CYP2C18: variants seen among roughly 807,000 people sequenced by gnomAD.
CYP2C18 encodes cytochrome P450 2C18.
Under a neutral mutation model 41.3 loss-of-function variants are expected in CYP2C18, and 38 were observed. The ratio of observed to expected loss-of-function variants is 0.92; its 90% CI spans 0.71 to 1.21. The LOEUF is 1.21. Ranked by LOEUF, CYP2C18 falls within the 50% of genes most tolerant of loss-of-function variation. The probability of loss-of-function intolerance (pLI) is 0.00; values close to 1 mark genes in which losing one functional copy is unlikely to be tolerated. For synonymous variants in CYP2C18, 236 were observed against 210.0 expected, an observed-to-expected ratio of 1.12 and a Z score of -1.07; for missense variants, 635 against 591.4, an observed-to-expected ratio of 1.07 and a Z score of -0.77.
intron 7 of CYP2C18, among the ~76,000 whole-genome samples, chr10:94,732,713 A>T (rs1271135660): frequency 6.6e-6 from 1 of 152,056 alleles, no homozygotes; most frequent in South Asian, 2.1e-4. Context: ...AGGAACAGAA[A>T]ACCAAATATT....
At chr10:94,719,622 T>G (rs902758928) in intron 5 of CYP2C18, among the ~76,000 whole-genome samples, 3 of 151,928 alleles carry the variant, frequency 2.0e-5, no homozygotes, top group African/African-American at 7.2e-5. Context: ...TCACCCAGGA[T>G]AGAGTGCAGT....
At chr10:94,722,316 T>C (rs1295791805) in intron 6 of CYP2C18, among the ~76,000 whole-genome samples, 1 of 152,214 alleles carries the variant, frequency 6.6e-6, no homozygotes, top group African/African-American at 2.4e-5. Context: ...CTTTTTTTTT[T>C]CTTCAACTTT....
chr10:94,701,615 T>C lies in CYP2C18; in HGVS notation c.643-5169T>C, dbSNP rs137890108. 2.8e-4 allele frequency among the ~76,000 whole-genome samples: 43 copies of C among 152,298 alleles called. 1 individual carries two copies. Among genetic ancestry groups the C allele is most frequent in the East Asian group, 1.9e-3 (10 of 5,180 alleles). ...CACATGTACCCTAAAACTTAAAGTATAATAAAAAATAATTAAAAAAAGAAA... is the reference window on the plus strand; with the variant it reads ...CACATGTACCCTAAAACTTAAAGTACAATAAAAAATAATTAAAAAAAGAAA... On this transcript the variant is annotated intron_variant, in intron 4 of 8. Coordinates refer to ENST00000285979, the MANE Select transcript of CYP2C18 (RefSeq NM_000772.3).
At chr10:94,717,166 A>C (rs76033193) in intron 5 of CYP2C18, among the ~76,000 whole-genome samples, 1,851 of 152,248 alleles carry the variant, frequency 0.012, 53 homozygotes, top group African/African-American at 0.043. Context: ...TAATCAGTGC[A>C]TTTAGTCCAT....
intron 4 of CYP2C18, 33 bp from the exon 5 acceptor site, chr10:94,706,751 G>A: frequency 1.5e-6 from 2 of 1,292,434 alleles, no homozygotes; most frequent in Non-Finnish European, 2.2e-6. Context: ...CAATACATGT[G>A]TTTAATTTAA....
Position 94,695,038 on chromosome 10 carries a change from C to G in CYP2C18, c.603C>G (p.Phe201Leu). 6.2e-7 allele frequency: 1 copy of G among 1,612,918 alleles called. No individual in the cohort carries two copies. Among genetic ancestry groups the G allele is most frequent in the Non-Finnish European group, 8.5e-7 (1 of 1,179,778 alleles). ...DQRFLNLMEK[F>L]NENLRILSSP... ...GGTTTCTTAACTTGATGGAAAAATT[C>G]AATGAAAACCTCAGGATTCTGAGCT... Residue 201 changes from phenylalanine (F) to leucine (L), a missense_variant, in exon 4 of 9, where the codon TTC becomes TTG. Physicochemically the swap from Phe to Leu is conservative, Grantham distance 22 (BLOSUM62 0). Coordinates refer to ENST00000285979, the MANE Select transcript of CYP2C18 (RefSeq NM_000772.3).
chr10:94,686,415 A>G (rs527800921), intron 1 of CYP2C18, among the ~76,000 whole-genome samples: 1 of 152,226 alleles, frequency 6.6e-6, no homozygotes, highest in African/African-American at 2.4e-5. Context: ...TTCTGTCTTT[A>G]GTCTAATTGC....
intron 8 of CYP2C18, among the ~76,000 whole-genome samples, chr10:94,733,964 G>A (rs1847876699): frequency 6.6e-6 from 1 of 152,050 alleles, no homozygotes; most frequent in Non-Finnish European, 1.5e-5. Flanking sequence ...AGCGCAGGAT[G>A]TTGGGGAGCT....
At chr10:94,731,444 A>T (rs1847831284) in intron 7 of CYP2C18, among the ~76,000 whole-genome samples, 1 of 151,990 alleles carries the variant, frequency 6.6e-6, no homozygotes, top group African/African-American at 2.4e-5. Context: ...ATTCAATGCT[A>T]TTCCTATCCG....
chr10:94,694,980 T>A lies in CYP2C18; in HGVS notation c.545T>A (p.Ile182Asn). Reference sequence around the variant, plus strand: ...CCCTGCAATGTGATCTGCTCTGTTATTTTCCATGATCGATTTGATTATAAA... The same window carrying A: ...CCCTGCAATGTGATCTGCTCTGTTAATTTCCATGATCGATTTGATTATAAA... ...CAPCNVICSV[I>N]FHDRFDYKDQ... The change falls in exon 4 of 9, where the codon ATT (isoleucine) becomes AAT (asparagine). Residue 182 changes from isoleucine to asparagine, a missense_variant. Ile to Asn is a moderately radical substitution (Grantham distance 149). Coordinates refer to ENST00000285979, the MANE Select transcript of CYP2C18 (RefSeq NM_000772.3). The A allele has an allele frequency of 1.2e-6, 2 of 1,613,364 alleles. No individual in the cohort carries two copies. The highest frequency in any genetic ancestry group is 1.7e-6 in the Non-Finnish European group (2 of 1,179,910).
chr10:94,694,238 G>GTCAA (rs1847071087), intron 3 of CYP2C18, among the ~76,000 whole-genome samples: 1 of 152,064 alleles, frequency 6.6e-6, no homozygotes, highest in Admixed American at 6.6e-5. Context: ...GACTCCATCT[G>GTCAA]TCAATTTAAC....
intron 5 of CYP2C18, among the ~76,000 whole-genome samples, chr10:94,712,767 T>C (rs545019817): frequency 1.3e-5 from 2 of 152,228 alleles, no homozygotes; most frequent in Non-Finnish European, 2.9e-5. Context: ...AACCTTTTAC[T>C]GTTTTCCATA....
rs35672164 is a variant in CYP2C18, at chr10:94,712,008, A to ATTTTTTTTTTTTTTTTTTTTTTT, written c.819+5068_819+5069insTTTTTTTTTTTTTTTTTTTTTTT. ...AGGTGCATGCCACCATGCCCAACTA[A>ATTTTTTTTTTTTTTTTTTTTTTT]TTTTTTTTTTTTTTTTTTTTGTAGA... On this transcript the variant is annotated intron_variant, in intron 5 of 8. Transcript: ENST00000285979. 3.9e-4 allele frequency among the ~76,000 whole-genome samples: 38 copies of ATTTTTTTTTTTTTTTTTTTTTTT among 97,868 alleles called. 3 individuals are homozygous for ATTTTTTTTTTTTTTTTTTTTTTT. The highest frequency in any genetic ancestry group is 1.8e-3 in the East Asian group (5 of 2,848). 64.2% of individuals were successfully genotyped at this position (97,868 alleles called of 152,430 possible). A position where few individuals can be genotyped will look rare whatever the true frequency, so the allele number is the denominator to read the frequency against.
rs558677464 is a variant in CYP2C18 at position 94,704,473 on chromosome 10, AAAG to A, written c.643-2309_643-2307del. 6.6e-5 allele frequency among the ~76,000 whole-genome samples: 10 copies of A among 151,984 alleles called. No homozygotes were observed. The South Asian group carries it at 1.2e-3, about 19-fold the overall frequency. On this transcript the variant is annotated intron_variant, in intron 4 of 8. Coordinates refer to ENST00000285979, the MANE Select transcript of CYP2C18 (RefSeq NM_000772.3). ...ATTTTCTTGAATGTGGAGAGGCAAA[AAAG>A]AGACATAGAAAAAATATATGTATTT...
At chr10:94,689,938 C>T (rs754660120) in intron 3 of CYP2C18, among the ~76,000 whole-genome samples, 1 of 152,076 alleles carries the variant, frequency 6.6e-6, no homozygotes, top group Non-Finnish European at 1.5e-5. Context: ...ACTCAGTCTA[C>T]CCTCCCTATC....
At chr10:94,687,067 G>A (rs1417622788) in intron 1 of CYP2C18, among the ~76,000 whole-genome samples, 1 of 152,158 alleles carries the variant, frequency 6.6e-6, no homozygotes, top group East Asian at 1.9e-4. Context: ...CATCTGGGTG[G>A]TAACAGAATA....
intron 4 of CYP2C18, among the ~76,000 whole-genome samples, chr10:94,705,070 C>T (rs183755887): frequency 9.8e-4 from 149 of 152,216 alleles, no homozygotes; most frequent in African/African-American, 3.1e-3. Flanking sequence ...CCTTCCACTG[C>T]GAGCAGGGCT....
chr10:94,716,533 G>A (rs1847546942), intron 5 of CYP2C18, among the ~76,000 whole-genome samples: 1 of 152,188 alleles, frequency 6.6e-6, no homozygotes, highest in Non-Finnish European at 1.5e-5. Context: ...TGATTGTACT[G>A]TGGTCTGAGA....
intron 1 of CYP2C18, among the ~76,000 whole-genome samples, chr10:94,686,926 T>A (rs1846898870): frequency 6.6e-6 from 1 of 152,208 alleles, no homozygotes; most frequent in Non-Finnish European, 1.5e-5. Context: ...CTGTATATGC[T>A]ATGTATTTTG....
Sources: gnomAD v4.1 joint callset for allele counts (sites outside exome capture counted in the v4.1 genomes callset) on GRCh38, gnomAD v4.1.1 for gene constraint, MANE v1.5 for transcripts, NCBI Gene and HGNC (gene_info 2026-07-23, HGNC 2026-07-21) for gene names.